The following TMEM248 variants were observed in gnomAD, a reference collection of about 807,000 sequenced individuals.
TMEM248 encodes the protein UPF0458 protein C7orf42.
A neutral mutation model predicts 30.3 loss-of-function variants in TMEM248; 9 were observed. The observed-to-expected ratio is 0.30, with a 90% confidence interval of 0.18 to 0.52. TMEM248 has a LOEUF of 0.52. Ranked by LOEUF, TMEM248 falls within the 20% of genes least tolerant of loss-of-function variation. TMEM248 has a pLI of 0.97. For synonymous variants in TMEM248, 184 were observed against 154.4 expected (o/e 1.19, Z -1.42); for missense variants, 338 against 403.3 (o/e 0.84, Z 1.39).
chr7:66,939,017 C>A (rs1462588602), intron 1 of TMEM248, among the ~76,000 whole-genome samples: 1 of 152,142 alleles, frequency 6.6e-6, no homozygotes, highest in Non-Finnish European at 1.5e-5. Context: ...GCCTAAATGG[C>A]TGATTAAAAA....
rs565294304 is a variant in TMEM248 at position 66,947,214 on chromosome 7, C to CAAAA, written c.446-1312_446-1309dup. ...TGGGCAATAGAGTGAGACCCTGTCT[C>CAAAA]AAAAAAAAAAAAAAAAAAAAACAAG... On this transcript the variant is annotated intron_variant, in intron 3 of 6. Coordinates refer to ENST00000341567, the MANE Select transcript of TMEM248 (RefSeq NM_017994.5). 5.4e-4 allele frequency among the ~76,000 whole-genome samples: 32 copies of CAAAA among 58,774 alleles called. 1 individual carries two copies. The highest frequency in any genetic ancestry group is 2.1e-3 in the African/African-American group (30 of 14,034). The allele number at this position is 58,774 out of a possible 152,430, so 38.6% of individuals were successfully genotyped here.
intron 5 of TMEM248, among the ~76,000 whole-genome samples, chr7:66,952,085 A>AT (rs937084509): frequency 6.8e-5 from 10 of 147,792 alleles, no homozygotes; most frequent in Non-Finnish European, 9.0e-5. Context: ...CTTTATTTTA[A>AT]TTTTTTTTTA....
At chr7:66,947,985 C>T (rs1220255322) in intron 3 of TMEM248, among the ~76,000 whole-genome samples, 4 of 152,072 alleles carry the variant, frequency 2.6e-5, no homozygotes, top group Admixed American at 2.6e-4. Flanking sequence ...TTCCCGGCCT[C>T]AAGCAATCCT....
In TMEM248 at chr7:66,953,102, C is replaced by T. The variant is rs1000518839; in HGVS notation, c.781-124C>T. The T allele has an allele frequency of 1.8e-5, 19 of 1,078,392 alleles. No individual in the cohort carries two copies. The African/African-American group carries it at 2.8e-4, about 16-fold the overall frequency. The allele number at this position is 1,078,392 out of a possible 1,614,324, so 66.8% of individuals were successfully genotyped here. On this transcript the variant is annotated intron_variant, in intron 5 of 6. Transcript: ENST00000341567. ...AGGCAAAAGGAGAAACCTCCTCTTG[C>T]AGCTTAAGAAGAAAAGTTGTGGCAA...
Position 66,941,973 on chromosome 7 carries a change from C to T in TMEM248, c.108C>T (p.Thr36=). ...SVSAMAIAFL[T]LGYFFKIKEI... is the part of the protein sequence containing the mutation. The stretch of plus-strand genomic sequence containing the variant: ...GCGCCATGGCCATAGCTTTCCTGAC[C>T]CTGGGCTACTTCTTCAAAATCAAGG... Residue 36 remains threonine (T), a synonymous_variant, in exon 2 of 7, where the codon ACC becomes ACT. Coordinates refer to ENST00000341567, the MANE Select transcript of TMEM248 (RefSeq NM_017994.5). The T allele has an allele frequency of 6.2e-7, 1 of 1,614,102 alleles. No individual in the cohort carries two copies. The highest frequency in any genetic ancestry group is 8.5e-7 in the Non-Finnish European group (1 of 1,180,016).
chr7:66,941,746 A>G (rs928837602), intron 1 of TMEM248, 102 bp from the exon 2 acceptor site: 1 of 943,272 alleles, frequency 1.1e-6, no homozygotes, highest in African/African-American at 1.6e-5. Flanking sequence ...ATGAGTGCCC[A>G]TCCCACCCAG....
intron 1 of TMEM248, chr7:66,922,104 C>T (rs1461000361): frequency 6.6e-6 from 1 of 152,158 alleles, no homozygotes; most frequent in Non-Finnish European, 1.5e-5. Context: ...GTGAGGAGGC[C>T]TTTGTGGAAG....
chr7:66,945,451 T>G (rs1414906100), intron 3 of TMEM248, among the ~76,000 whole-genome samples, 190 bp downstream of exon 3: 1 of 152,254 alleles, frequency 6.6e-6, no homozygotes, highest in Admixed American at 6.5e-5. Flanking sequence ...TGGCTAGAAG[T>G]AGTTTCTCAA....
In TMEM248 at chr7:66,937,536, G is replaced by T. The variant is rs1348930303; in HGVS notation, c.-18-4312G>T. 3.3e-5 allele frequency among the ~76,000 whole-genome samples: 5 copies of T among 152,336 alleles called. No homozygotes were observed. In the East Asian group the frequency reaches 9.6e-4, roughly 29 times the overall value. On this transcript the variant is annotated intron_variant, in intron 1 of 6. Transcript: ENST00000341567. ...TTGCTTTATGTATCTTGGTGCTCCA[G>T]TGTTGGGTACATATATATTTATAAT...
In TMEM248 at chr7:66,921,381, G is replaced by A. The variant is rs1791379826; in HGVS notation, c.-99G>A. ...TCGGGCCCGCCACGCGCCGCCACGAGTGAGCCCAGCGCGACCGCGGGCGTC... is the reference window on the plus strand; with the variant it reads ...TCGGGCCCGCCACGCGCCGCCACGAATGAGCCCAGCGCGACCGCGGGCGTC... On this transcript the variant is annotated 5_prime_UTR_variant, in exon 1 of 7. The change creates a new upstream start codon in the 5' untranslated region. Coordinates refer to ENST00000341567, the MANE Select transcript of TMEM248 (RefSeq NM_017994.5). 6.7e-6 allele frequency: 1 copy of A among 150,098 alleles called. No individual in the cohort carries two copies. Among genetic ancestry groups the A allele is most frequent in the Non-Finnish European group, 1.5e-5 (1 of 67,474 alleles). 9.3% of individuals were successfully genotyped at this position (150,098 alleles called of 1,614,324 possible). A position where few individuals can be genotyped will look rare whatever the true frequency, so the allele number is the denominator to read the frequency against.
chr7:66,927,170 CTG>C (rs1791546244), intron 1 of TMEM248, among the ~76,000 whole-genome samples: 2 of 152,082 alleles, frequency 1.3e-5, no homozygotes, highest in Admixed American at 6.6e-5. Context: ...CATCTTGAGA[CTG>C]TAGTGAATTT....
intron 1 of TMEM248, among the ~76,000 whole-genome samples, chr7:66,930,449 C>T (rs186602621): frequency 3.1e-3 from 475 of 152,206 alleles, no homozygotes; most frequent in South Asian, 9.7e-3. Flanking sequence ...TAAGAAAACC[C>T]GGAGTGGAAA....
In TMEM248 at chr7:66,956,377, A is replaced by G. The variant is rs1187918880; in HGVS notation, c.*855A>G. On this transcript the variant is annotated 3_prime_UTR_variant, in exon 7 of 7. Coordinates refer to ENST00000341567, the MANE Select transcript of TMEM248 (RefSeq NM_017994.5). ...CACTCAAAAGGGCTTCAAAATGTAA[A>G]TGGCTCTAGAGTTAGAGTGACTGTT... 1 of 152,172 alleles carries G rather than the reference A, an allele frequency of 6.6e-6. No homozygotes were observed. Among genetic ancestry groups the G allele is most frequent in the Non-Finnish European group, 1.5e-5 (1 of 68,026 alleles). 9.4% of individuals were successfully genotyped at this position (152,172 alleles called of 1,614,324 possible). A position where few individuals can be genotyped will look rare whatever the true frequency, so the allele number is the denominator to read the frequency against.
At chr7:66,925,196 T>A (rs527971163) in intron 1 of TMEM248, among the ~76,000 whole-genome samples, 7 of 151,912 alleles carry the variant, frequency 4.6e-5, no homozygotes, top group Non-Finnish European at 7.4e-5. Flanking sequence ...AATTTTTTGA[T>A]TTTTTGTAGA....
chr7:66,931,297 C>CAA (rs758131446), intron 1 of TMEM248, among the ~76,000 whole-genome samples: 159 of 63,390 alleles, frequency 2.5e-3, no homozygotes, highest in Middle Eastern at 7.2e-3. Context: ...GACAATATCT[C>CAA]AAAAAAAAAA....
At chr7:66,922,963 C>T (rs532522199) in intron 1 of TMEM248, among the ~76,000 whole-genome samples, 1 of 152,160 alleles carries the variant, frequency 6.6e-6, no homozygotes, top group Non-Finnish European at 1.5e-5. Flanking sequence ...TCCTCGGCCT[C>T]CCAAAGTTCT....
intron 1 of TMEM248, among the ~76,000 whole-genome samples, chr7:66,925,607 T>A (rs989893977): frequency 2.0e-5 from 3 of 152,166 alleles, no homozygotes; most frequent in African/African-American, 7.2e-5. Flanking sequence ...AACAGACATC[T>A]CTTTGACAAT....
intron 6 of TMEM248, among the ~76,000 whole-genome samples, chr7:66,955,235 C>G (rs1318505697): frequency 6.6e-6 from 1 of 152,228 alleles, no homozygotes; most frequent in Admixed American, 6.5e-5. Flanking sequence ...TGCACTCCAG[C>G]CTGGACAACA....
chr7:66,925,683 T>A (rs1791503782), intron 1 of TMEM248, among the ~76,000 whole-genome samples: 1 of 147,542 alleles, frequency 6.8e-6, no homozygotes, highest in Non-Finnish European at 1.5e-5. Context: ...TAATTCTATT[T>A]GTAGTTTTTT....
Sources: allele counts gnomAD v4.1 joint callset (sites outside exome capture counted in the v4.1 genomes callset), GRCh38; gene constraint gnomAD v4.1.1; transcripts MANE v1.5; gene names NCBI Gene and HGNC (gene_info 2026-07-23, HGNC 2026-07-21).